The following APBB2 variants were observed in gnomAD, a reference collection of about 807,000 sequenced individuals.
APBB2 encodes amyloid beta precursor protein binding family B member 2.
In APBB2, 38 loss-of-function variants were observed where a neutral mutation model predicts 82.5. That is an observed-to-expected ratio of 0.46 (90% confidence interval 0.36 to 0.60). The LOEUF (loss-of-function observed/expected upper bound fraction) is 0.60, where lower values mean the gene tolerates loss of function less well. Among genes scored for constraint, APBB2 ranks in the 20% least tolerant of loss-of-function variants. APBB2 has a pLI of 0.00. For synonymous variants in APBB2, 341 were observed against 368.2 expected (o/e 0.93, Z 0.85); for missense variants, 772 against 972.3 (o/e 0.79, Z 2.74).
intron 6 of APBB2, among the ~76,000 whole-genome samples, chr4:40,962,227 T>C (rs1024618470): frequency 1.3e-5 from 2 of 152,218 alleles, no homozygotes; most frequent in African/African-American, 2.4e-5. Context: ...GATGCATGTA[T>C]AGAAACTGCC....
chr4:41,162,379 T>C (rs1232806526), intron 1 of APBB2, among the ~76,000 whole-genome samples: 1 of 152,134 alleles, frequency 6.6e-6, no homozygotes, highest in African/African-American at 2.4e-5. Context: ...TAAAATCAGA[T>C]CAATTGTACC....
intron 2 of APBB2, among the ~76,000 whole-genome samples, chr4:41,142,459 C>T (rs2154021423): frequency 6.6e-6 from 1 of 152,254 alleles, no homozygotes; most frequent in South Asian, 2.1e-4. Flanking sequence ...GTGTTGGTGG[C>T]TTTTGTTTGG....
chr4:41,211,257 A>T (rs543707263), intron 1 of APBB2, among the ~76,000 whole-genome samples: 2 of 151,150 alleles, frequency 1.3e-5, no homozygotes, highest in Non-Finnish European at 3.0e-5. Context: ...TCTGTCTCAA[A>T]AATAATAATA....
At chr4:41,021,380 C>A (rs1004470514) in intron 5 of APBB2, among the ~76,000 whole-genome samples, 7 of 152,096 alleles carry the variant, frequency 4.6e-5, no homozygotes, top group Admixed American at 2.6e-4. Flanking sequence ...CTTCCTGGGT[C>A]GAGTGGGGAC....
chr4:41,202,934 T>C (rs1224387846), intron 1 of APBB2, among the ~76,000 whole-genome samples: 4 of 152,208 alleles, frequency 2.6e-5, no homozygotes, highest in Admixed American at 6.5e-5. Context: ...CAAAATTGTA[T>C]ATATACTCCA....
chr4:40,834,576 T>G (rs1295622485), intron 12 of APBB2, among the ~76,000 whole-genome samples: 3 of 152,208 alleles, frequency 2.0e-5, no homozygotes, highest in Non-Finnish European at 4.4e-5. Flanking sequence ...CCTGTGGCTA[T>G]GTTCCCTTAC....
chr4:40,897,800 G>A (rs1296300497), intron 10 of APBB2, among the ~76,000 whole-genome samples: 1 of 152,138 alleles, frequency 6.6e-6, no homozygotes, highest in Non-Finnish European at 1.5e-5. Context: ...TGGCCAGGAA[G>A]GTTCATAACC....
In APBB2 at chr4:40,826,988, C is replaced by A; in HGVS notation, c.1732+144G>T. 1 of 691,014 alleles carries A rather than the reference C, an allele frequency of 1.4e-6. No homozygotes were observed. Among genetic ancestry groups the A allele is most frequent in the East Asian group, 2.7e-5 (1 of 37,278 alleles). The allele number at this position is 691,014 out of a possible 1,614,324, so 42.8% of individuals were successfully genotyped here. A position where few individuals can be genotyped will look rare whatever the true frequency, so the allele number is the denominator to read the frequency against. On this transcript the variant is annotated intron_variant, in intron 14 of 17. Transcript: ENST00000508593. The surrounding 1 kb of genome is among the most constrained non-coding windows in gnomAD (Gnocchi z 4.5). ...AATCAACTCTGTGCCTCTGTGAGAC[C>A]CAGCGTGCAGGCTCAACTTGTGCTT...
chr4:41,193,848 A>T, intron 1 of APBB2: 1 of 152,214 alleles, frequency 6.6e-6, no homozygotes, highest in African/African-American at 2.4e-5. Context: ...AAATAGTAAA[A>T]ATAACTGCAA....
chr4:41,034,604 T>C (rs911051857), intron 4 of APBB2, among the ~76,000 whole-genome samples: 3 of 152,222 alleles, frequency 2.0e-5, no homozygotes, highest in African/African-American at 7.2e-5. Flanking sequence ...GGATTACAGG[T>C]GTGAGTCACG....
intron 6 of APBB2, among the ~76,000 whole-genome samples, chr4:40,952,809 T>C (rs1790569934): frequency 6.6e-6 from 1 of 152,186 alleles, no homozygotes; most frequent in African/African-American, 2.4e-5. Flanking sequence ...CTAGTAACAG[T>C]AACAGCAACA....
chr4:41,075,095 T>C (rs1205578082), intron 3 of APBB2, among the ~76,000 whole-genome samples: 1 of 152,168 alleles, frequency 6.6e-6, no homozygotes, highest in Non-Finnish European at 1.5e-5. Flanking sequence ...TTTGTGACAA[T>C]GCACTCCAGC....
intron 12 of APBB2, among the ~76,000 whole-genome samples, chr4:40,882,526 CA>C (rs1361375894): frequency 7.9e-5 from 12 of 152,206 alleles, no homozygotes; most frequent in African/African-American, 2.4e-4. Context: ...AGAACTGATG[CA>C]ACTGGGATAA....
At chr4:41,189,691 T>C (rs190549373) in intron 1 of APBB2, among the ~76,000 whole-genome samples, 1 of 152,344 alleles carries the variant, frequency 6.6e-6, no homozygotes, top group Admixed American at 6.5e-5. Flanking sequence ...GAGGAAGTCA[T>C]TAGCTAAGTA....
At chr4:41,089,672 A>G (rs1741027246) in intron 3 of APBB2, among the ~76,000 whole-genome samples, 1 of 152,226 alleles carries the variant, frequency 6.6e-6, no homozygotes, top group South Asian at 2.1e-4. Flanking sequence ...ACTCATTCAC[A>G]GATAGCCAGT....
At chr4:40,893,689 T>C (rs1216413426) in intron 10 of APBB2, among the ~76,000 whole-genome samples, 1 of 152,232 alleles carries the variant, frequency 6.6e-6, no homozygotes, top group East Asian at 1.9e-4. Flanking sequence ...CCAGGTGCGG[T>C]GGCTTACACC....
intron 12 of APBB2, among the ~76,000 whole-genome samples, chr4:40,866,599 C>T (rs1312112011): frequency 6.6e-6 from 1 of 152,134 alleles, no homozygotes; most frequent in African/African-American, 2.4e-5. Context: ...AATTTTGATC[C>T]TTCAGTGTTG....
chr4:41,075,658 A>G (rs2153912188), intron 3 of APBB2, among the ~76,000 whole-genome samples: 1 of 152,324 alleles, frequency 6.6e-6, no homozygotes, highest in Middle Eastern at 3.4e-3. Flanking sequence ...AAATCTAAGA[A>G]AAACTGACCC....
At chr4:40,961,550 C>T (rs150114002) in intron 6 of APBB2, among the ~76,000 whole-genome samples, 6,467 of 148,482 alleles carry the variant, frequency 0.044, 464 homozygotes, top group African/African-American at 0.14. Context: ...TGCTAGATGT[C>T]GAGTTAGTGG....
Sources: allele counts gnomAD v4.1 joint callset (sites outside exome capture counted in the v4.1 genomes callset), GRCh38; gene constraint gnomAD v4.1.1; non-coding constraint Gnocchi (gnomAD v3.1); transcripts MANE v1.5; gene names NCBI Gene and HGNC (gene_info 2026-07-23, HGNC 2026-07-21).